FER: variants seen among roughly 807,000 people sequenced by gnomAD.
FER encodes the protein FER tyrosine kinase.
Under a neutral mutation model 111.0 loss-of-function variants are expected in FER, and 63 were observed. That is an observed-to-expected ratio of 0.57 (90% CI 0.46 to 0.70). The LOEUF is 0.70. FER is among the 30% of genes least tolerant of loss of function. The pLI, the probability that FER is intolerant of heterozygous loss-of-function variation, is 0.00. For synonymous variants in FER, 327 were observed against 313.9 expected (o/e 1.04, Z -0.44); for missense variants, 914 against 954.0 (o/e 0.96, Z 0.55).
chr5:108,954,757 A>G lies in FER; in HGVS notation c.1358A>G (p.Lys453Arg). The G allele has an allele frequency of 6.2e-7, 1 of 1,605,898 alleles. No individual in the cohort carries two copies. Among genetic ancestry groups the G allele is most frequent in the African/African-American group, 1.3e-5 (1 of 74,724 alleles). Residue 453 changes from lysine (K) to arginine (R), a missense_variant, in exon 12 of 20, where the codon AAG becomes AGG. Transcript: ENST00000281092. ...ALSDMISISE[K>R]PLAEQDWYHG... Reference sequence around the variant, plus strand: ...TCTGATATGATCTCCATCAGTGAGAAGCCTTTGGCAGAACAGGACTGGTAC... The same window carrying G: ...TCTGATATGATCTCCATCAGTGAGAGGCCTTTGGCAGAACAGGACTGGTAC...
chr5:109,133,552 G>A (rs775424678), intron 17 of FER, among the ~76,000 whole-genome samples: 1 of 151,950 alleles, frequency 6.6e-6, no homozygotes, highest in Admixed American at 6.6e-5. Context: ...ATTTTATAAG[G>A]CACTGCATAA....
At chr5:108,932,605 C>T (rs183196695) in intron 10 of FER, among the ~76,000 whole-genome samples, 3 of 152,294 alleles carry the variant, frequency 2.0e-5, no homozygotes, top group African/African-American at 7.2e-5. Flanking sequence ...ACATTGTCTT[C>T]CACAATAGGT....
intron 10 of FER, among the ~76,000 whole-genome samples, chr5:108,902,352 T>C (rs1469847796): frequency 6.6e-6 from 1 of 152,212 alleles, no homozygotes; most frequent in Non-Finnish European, 1.5e-5. Flanking sequence ...CTGAGTTTTG[T>C]TGTATTGATT....
At chr5:109,170,873 T>C (rs979592237) in intron 17 of FER, among the ~76,000 whole-genome samples, 3 of 152,126 alleles carry the variant, frequency 2.0e-5, no homozygotes, top group African/African-American at 7.2e-5. Flanking sequence ...TGAGGCTAGA[T>C]TCATCTGGCT....
intron 2 of FER, among the ~76,000 whole-genome samples, chr5:108,789,722 A>G (rs1254029549): frequency 6.6e-6 from 1 of 150,760 alleles, no homozygotes; most frequent in East Asian, 1.9e-4. Flanking sequence ...TGTGTCTCAG[A>G]CTCCCAAGTA....
intron 10 of FER, among the ~76,000 whole-genome samples, chr5:108,944,108 T>TACACACAC (rs34138754): frequency 0.013 from 1,878 of 145,720 alleles, 18 homozygotes; most frequent in Non-Finnish European, 0.018. Flanking sequence ...TGTGTATGTG[T>TACACACAC]ACACACACAC....
intron 1 of FER, among the ~76,000 whole-genome samples, chr5:108,756,852 G>C (rs1011036023): frequency 6.6e-6 from 1 of 152,092 alleles, no homozygotes; most frequent in Non-Finnish European, 1.5e-5. Context: ...CCCAGGTAGA[G>C]ACAGTTTCTG....
rs138083458 is a variant in FER at position 108,833,094 on chromosome 5, T to G, written c.381+151T>G. 3.8e-3 allele frequency: 2,297 copies of G among 600,536 alleles called. 11 individuals are homozygous for G. Among genetic ancestry groups the G allele is most frequent in the Middle Eastern group, 5.7e-3 (12 of 2,114 alleles). 37.2% of individuals were successfully genotyped at this position (600,536 alleles called of 1,614,324 possible). The stretch of plus-strand genomic sequence containing the variant: ...CTAATAAGTAATATCTTATTGAACA[T>G]AAAACATTGATTATAGGATATACTG... On this transcript the variant is annotated intron_variant, in intron 4 of 19. Transcript: ENST00000281092.
chr5:108,951,098 G>T (rs1313585550), intron 11 of FER, among the ~76,000 whole-genome samples: 1 of 151,840 alleles, frequency 6.6e-6, no homozygotes, highest in Non-Finnish European at 1.5e-5. Flanking sequence ...GTGAAACCCT[G>T]TCTCCACTAA....
chr5:108,949,199 A>C (rs1757400051), intron 11 of FER, among the ~76,000 whole-genome samples: 1 of 151,966 alleles, frequency 6.6e-6, no homozygotes, highest in South Asian at 2.1e-4. Flanking sequence ...GGCATAGGGG[A>C]ATGTAGCTAT....
At chr5:109,053,795 A>G (rs1051495889) in intron 16 of FER, among the ~76,000 whole-genome samples, 3 of 145,192 alleles carry the variant, frequency 2.1e-5, no homozygotes, top group African/African-American at 7.7e-5. Context: ...GGTTCACGCC[A>G]TTCTCCTGCC....
intron 9 of FER, 85 bp downstream of exon 9, chr5:108,883,603 A>C: frequency 8.5e-7 from 1 of 1,179,134 alleles, no homozygotes; most frequent in Non-Finnish European, 1.1e-6. Context: ...GTGTGAACCT[A>C]ACATTTCTAG....
At chr5:108,911,527 A>C (rs754934498) in intron 10 of FER, among the ~76,000 whole-genome samples, 49 of 152,128 alleles carry the variant, frequency 3.2e-4, no homozygotes, top group Admixed American at 2.4e-3. Context: ...TTGTTGTCAT[A>C]AATTCTTCGT....
chr5:109,019,044 A>G (rs1345693121), intron 13 of FER, among the ~76,000 whole-genome samples: 3 of 151,394 alleles, frequency 2.0e-5, no homozygotes, highest in African/African-American at 7.3e-5. Flanking sequence ...TTCAAAAGAT[A>G]CAAGCAGAAA....
Position 108,835,185 on chromosome 5 carries a change from C to CG in FER, c.382-523_382-522insG, listed in dbSNP as rs1760493658. ...CAGTGTTATTTCTTCGTTTGCGCCA[C>CG]CCCCCCCCCCCCACTTTTTTTTTGA... On this transcript the variant is annotated intron_variant, in intron 4 of 19. Coordinates refer to ENST00000281092, the MANE Select transcript of FER (RefSeq NM_005246.4). Among the ~76,000 whole-genome samples, 2 of 60,474 alleles carry CG rather than the reference C, an allele frequency of 3.3e-5. 1 individual carries two copies. The highest frequency in any genetic ancestry group is 1.7e-4 in the African/African-American group (2 of 12,070). 39.7% of individuals were successfully genotyped at this position (60,474 alleles called of 152,430 possible). A position where few individuals can be genotyped will look rare whatever the true frequency, so the allele number is the denominator to read the frequency against.
chr5:108,965,352 T>C (rs143192357), intron 13 of FER, among the ~76,000 whole-genome samples: 84 of 152,260 alleles, frequency 5.5e-4, no homozygotes, highest in African/African-American at 1.9e-3. Flanking sequence ...TGTGTGAAAA[T>C]CTCTGTAGTT....
intron 17 of FER, among the ~76,000 whole-genome samples, chr5:109,152,141 G>A (rs770093700): frequency 1.8e-4 from 27 of 151,952 alleles, no homozygotes; most frequent in Non-Finnish European, 4.0e-4. Context: ...AGGAAACAAG[G>A]CTATGTAACC....
chr5:108,887,889 C>T (rs1747417256), intron 9 of FER, among the ~76,000 whole-genome samples: 2 of 151,762 alleles, frequency 1.3e-5, no homozygotes, highest in Admixed American at 1.3e-4. Flanking sequence ...AGTGATGTTA[C>T]TGTTGGTTTG....
At chr5:108,797,890 G>T (rs1361282359) in intron 2 of FER, among the ~76,000 whole-genome samples, 1 of 152,102 alleles carries the variant, frequency 6.6e-6, no homozygotes, top group African/African-American at 2.4e-5. Flanking sequence ...CTTCCTTTCC[G>T]ATCTGAATGC....
Sources: gnomAD v4.1 joint callset for allele counts (sites outside exome capture counted in the v4.1 genomes callset) on GRCh38, gnomAD v4.1.1 for gene constraint, MANE v1.5 for transcripts, NCBI Gene and HGNC (gene_info 2026-07-23, HGNC 2026-07-21) for gene names.